UST: variants seen among roughly 807,000 people sequenced by gnomAD.
UST encodes uronyl 2-sulfotransferase.
A neutral mutation model predicts 45.6 loss-of-function variants in UST; 21 were observed. The observed-to-expected ratio is 0.46, with a 90% confidence interval of 0.33 to 0.66. The LOEUF (loss-of-function observed/expected upper bound fraction) is 0.66, where lower values mean the gene tolerates loss of function less well. Among genes scored for constraint, UST ranks in the 30% least tolerant of loss-of-function variants. The pLI is 0.02. For synonymous variants in UST, 215 were observed against 200.6 expected, an observed-to-expected ratio of 1.07 and a Z score of -0.61; for missense variants, 463 against 512.4, an observed-to-expected ratio of 0.90 and a Z score of 0.93.
intron 1 of UST, among the ~76,000 whole-genome samples, chr6:148,840,892 C>T (rs1273420644): frequency 6.6e-6 from 1 of 152,104 alleles, no homozygotes; most frequent in Non-Finnish European, 1.5e-5. Context: ...TGCGTCTTCC[C>T]CTTCAGTGGT....
intron 1 of UST, among the ~76,000 whole-genome samples, chr6:148,851,313 A>C (rs767619639): frequency 2.1e-4 from 32 of 152,212 alleles, no homozygotes; most frequent in Non-Finnish European, 4.0e-4. Context: ...ATTTACTTAT[A>C]GTTTTTACTG....
At chr6:149,015,169 A>G (rs2486414) in intron 5 of UST, among the ~76,000 whole-genome samples, 137,633 of 152,248 alleles carry the variant, frequency 0.9, 62,508 homozygotes, top group Non-Finnish European at 0.93. Context: ...TCTGGTGGAA[A>G]CATTACAGGA....
At chr6:148,943,977 G>GT (rs1189605711) in intron 3 of UST, among the ~76,000 whole-genome samples, 1 of 152,162 alleles carries the variant, frequency 6.6e-6, no homozygotes, top group East Asian at 1.9e-4. Flanking sequence ...AAGAAACCCA[G>GT]TTTGAAGTTC....
At chr6:148,892,619 A>G (rs1276478134) in intron 2 of UST, among the ~76,000 whole-genome samples, 2 of 152,234 alleles carry the variant, frequency 1.3e-5, no homozygotes, top group Non-Finnish European at 2.9e-5. Context: ...CACTAGCCAC[A>G]TTTCAAATTC....
chr6:149,020,292 C>G (rs148664191), intron 6 of UST, among the ~76,000 whole-genome samples: 5 of 152,234 alleles, frequency 3.3e-5, no homozygotes, highest in African/African-American at 1.2e-4. Flanking sequence ...CCCCCTGAGT[C>G]CAGGTGGCCT....
At chr6:149,004,751 T>A (rs1781615380) in intron 5 of UST, among the ~76,000 whole-genome samples, 1 of 151,252 alleles carries the variant, frequency 6.6e-6, no homozygotes, top group African/African-American at 2.4e-5. Context: ...GAGAACCAGG[T>A]GGGCCCGAAT....
At chr6:148,947,592 C>G (rs1052223185) in intron 3 of UST, among the ~76,000 whole-genome samples, 3 of 152,234 alleles carry the variant, frequency 2.0e-5, no homozygotes, top group African/African-American at 7.2e-5. Context: ...TCACCTGAGA[C>G]TCTCTCAAAC....
At chr6:148,972,819 T>C (rs1780944924) in intron 5 of UST, among the ~76,000 whole-genome samples, 1 of 152,076 alleles carries the variant, frequency 6.6e-6, no homozygotes, top group Non-Finnish European at 1.5e-5. Context: ...AAACTACTGA[T>C]TCCTGGGTCC....
chr6:148,846,194 A>T (rs1777985528), intron 1 of UST, among the ~76,000 whole-genome samples: 1 of 151,188 alleles, frequency 6.6e-6, no homozygotes, highest in Admixed American at 6.6e-5. Context: ...CTTGGAACCA[A>T]CCCAAATGTC....
chr6:148,994,284 A>C (rs2114995944), intron 5 of UST, among the ~76,000 whole-genome samples: 1 of 152,140 alleles, frequency 6.6e-6, no homozygotes, highest in East Asian at 1.9e-4. Context: ...AGATATTTAT[A>C]GCAATGCAAG....
chr6:148,873,925 A>G (rs1165722506), intron 1 of UST, among the ~76,000 whole-genome samples: 2 of 152,264 alleles, frequency 1.3e-5, no homozygotes, highest in Non-Finnish European at 1.5e-5. Context: ...TGTACTTATC[A>G]GGGGTGCTTC....
At chr6:148,775,637 T>G (rs114640584) in intron 1 of UST, among the ~76,000 whole-genome samples, 28,350 of 122,026 alleles carry the variant, frequency 0.23, 2,716 homozygotes, top group African/African-American at 0.27. Flanking sequence ...TTTTTTTTTT[T>G]TTGGGGCGGG....
intron 1 of UST, among the ~76,000 whole-genome samples, chr6:148,873,711 C>T (rs975968151): frequency 1.3e-5 from 2 of 152,196 alleles, no homozygotes; most frequent in Non-Finnish European, 2.9e-5. Context: ...GGTCACCTCA[C>T]CTTCCTGAGC....
At chr6:148,980,313 T>C (rs1781105043) in intron 5 of UST, among the ~76,000 whole-genome samples, 2 of 152,222 alleles carry the variant, frequency 1.3e-5, no homozygotes, top group South Asian at 4.1e-4. Flanking sequence ...GTCTCTCAGA[T>C]GTCCCCATCT....
Position 148,813,073 on chromosome 6 carries a change from C to T in UST, c.247+65396C>T, listed in dbSNP as rs545787952. 1.2e-4 allele frequency among the ~76,000 whole-genome samples: 19 copies of T among 152,288 alleles called. 1 individual carries two copies. In the South Asian group the frequency reaches 2.5e-3, roughly 20 times the overall value. On this transcript the variant is annotated intron_variant, in intron 1 of 7. Transcript: ENST00000367463. ...ATATACACACATGTATGTACACACA[C>T]ACATGTATTTACATTGTAAGATTTT...
At chr6:148,932,976 C>T (rs1779950984) in intron 2 of UST, among the ~76,000 whole-genome samples, 1 of 152,144 alleles carries the variant, frequency 6.6e-6, no homozygotes, top group Non-Finnish European at 1.5e-5. Flanking sequence ...TCATTCTATA[C>T]TTTGAGGAAA....
At chr6:148,769,750 TTGTGTGTGTGTG>T (rs57316536) in intron 1 of UST, among the ~76,000 whole-genome samples, 3 of 148,126 alleles carry the variant, frequency 2.0e-5, no homozygotes, top group East Asian at 2.0e-4. Flanking sequence ...GAGCCTGTGT[TTGTGTGTGTGTG>T]TGTGTGTGTG....
At chr6:149,058,948 AAAC>A (rs1196849390) in intron 7 of UST, among the ~76,000 whole-genome samples, 1 of 152,160 alleles carries the variant, frequency 6.6e-6, no homozygotes, top group Non-Finnish European at 1.5e-5. Context: ...ACATACTTTC[AAAC>A]AAATATGTAT....
At chr6:148,864,315 G>A (rs1381942373) in intron 1 of UST, among the ~76,000 whole-genome samples, 1 of 152,250 alleles carries the variant, frequency 6.6e-6, no homozygotes, top group Non-Finnish European at 1.5e-5. Flanking sequence ...GGCGTGGGAT[G>A]TAATCTCCTG....
Sources: allele counts gnomAD v4.1 joint callset (sites outside exome capture counted in the v4.1 genomes callset), GRCh38; gene constraint gnomAD v4.1.1; transcripts MANE v1.5; gene names NCBI Gene and HGNC (gene_info 2026-07-23, HGNC 2026-07-21).